The following CAST variants were observed in gnomAD, a reference collection of about 807,000 sequenced individuals.
CAST encodes the protein MIR583 host.
A neutral mutation model predicts 119.6 loss-of-function variants in CAST; 76 were observed. The observed-to-expected ratio is 0.64, with a 90% CI of 0.53 to 0.77. The LOEUF (loss-of-function observed/expected upper bound fraction) is 0.77, where lower values mean the gene tolerates loss of function less well. Ranked by LOEUF, CAST falls within the 30% of genes least tolerant of loss-of-function variation. CAST has a pLI of 0.00. For missense variants in CAST, 953 were observed against 946.5 expected (o/e 1.01, Z -0.09); for synonymous variants, 319 against 331.6 (o/e 0.96, Z 0.41).
intron 1 of CAST, among the ~76,000 whole-genome samples, chr5:96,563,429 A>C (rs1225956875): frequency 3.3e-5 from 5 of 152,206 alleles, no homozygotes; most frequent in Non-Finnish European, 7.3e-5. Context: ...AAGTGCATAA[A>C]GTTTGCGTAG....
At chr5:96,395,653 C>G in the CAST span, among the ~76,000 whole-genome samples, 1 of 151,626 alleles carries the variant, frequency 6.6e-6, no homozygotes, top group Non-Finnish European at 1.5e-5. Context: ...GAGTAGGGGG[C>G]AAGGGGAGGG....
intron 1 of CAST, among the ~76,000 whole-genome samples, chr5:96,629,370 G>A (rs1193546649): frequency 6.6e-6 from 1 of 151,706 alleles, no homozygotes; most frequent in African/African-American, 2.4e-5. Context: ...GTGTTCTTCT[G>A]TTATAGCCAC....
At chr5:96,301,343 G>T in the CAST span, among the ~76,000 whole-genome samples, 1 of 152,038 alleles carries the variant, frequency 6.6e-6, no homozygotes, top group Non-Finnish European at 1.5e-5. Flanking sequence ...ATGAGATTTG[G>T]CTGGGGACAC....
At chr5:96,237,667 T>A in the CAST span, among the ~76,000 whole-genome samples, 1 of 152,144 alleles carries the variant, frequency 6.6e-6, no homozygotes, top group Non-Finnish European at 1.5e-5. Context: ...TGGAAATTTG[T>A]ATTTTTTTCT....
the CAST span, among the ~76,000 whole-genome samples, chr5:96,337,428 A>G: frequency 2.0e-5 from 3 of 152,232 alleles, no homozygotes; most frequent in East Asian, 5.8e-4. Context: ...TACTATGTCA[A>G]TTGACATTGA....
the CAST span, among the ~76,000 whole-genome samples, chr5:96,227,914 T>C: frequency 6.6e-6 from 1 of 152,198 alleles, no homozygotes; most frequent in African/African-American, 2.4e-5. Flanking sequence ...TGGTGGATTT[T>C]GTCACTGTTA....
chr5:96,448,453 C>T, the CAST span, among the ~76,000 whole-genome samples: 143 of 152,296 alleles, frequency 9.4e-4, 1 homozygote, highest in Non-Finnish European at 1.6e-3. Flanking sequence ...ATGTATATCG[C>T]GCTTTTATCA....
chr5:96,618,184 G>T (rs1351254163), intron 1 of CAST, among the ~76,000 whole-genome samples: 1 of 152,244 alleles, frequency 6.6e-6, no homozygotes, highest in Non-Finnish European at 1.5e-5. Context: ...GAAGGTAAAT[G>T]TTGAGCATCT....
intron 1 of CAST, among the ~76,000 whole-genome samples, chr5:96,607,573 A>T (rs261210): frequency 0.5 from 73,701 of 148,692 alleles, 18,103 homozygotes; most frequent in Admixed American, 0.54. Context: ...ATATGATATA[A>T]CTACCTCTGC....
At chr5:96,685,173 GATT>G (rs1751938729) in intron 2 of CAST, among the ~76,000 whole-genome samples, 1 of 151,962 alleles carries the variant, frequency 6.6e-6, no homozygotes, top group South Asian at 2.1e-4. Context: ...TCTCTGAAGA[GATT>G]ATATTTTATT....
chr5:95,968,374 C>T, the CAST span, among the ~76,000 whole-genome samples: 1 of 152,202 alleles, frequency 6.6e-6, no homozygotes, highest in Non-Finnish European at 1.5e-5. Flanking sequence ...TATATTAGAA[C>T]CCTTGGTATA....
the CAST span, among the ~76,000 whole-genome samples, chr5:96,217,204 A>ATTTTTTTTTTTTTT: frequency 3.0e-3 from 291 of 96,962 alleles, 18 homozygotes; most frequent in African/African-American, 8.3e-3. Flanking sequence ...ATGCTAGCTA[A>ATTTTTTTTTTTTTT]TTTTTTTTTT....
At chr5:96,771,746 T>C in intron 31 of CAST, 44 bp downstream of exon 31, 1 of 1,187,694 alleles carries the variant, frequency 8.4e-7, no homozygotes, top group South Asian at 1.2e-5. Flanking sequence ...CTGTATCTTC[T>C]GCCAATTTAT....
intron 1 of CAST, among the ~76,000 whole-genome samples, chr5:96,647,752 G>C (rs958769859): frequency 1.3e-5 from 2 of 152,148 alleles, no homozygotes; most frequent in African/African-American, 4.8e-5. Context: ...AGGGAGCTAG[G>C]ACAGATCCTT....
chr5:96,070,266 C>T, the CAST span, among the ~76,000 whole-genome samples: 1 of 152,174 alleles, frequency 6.6e-6, no homozygotes, highest in Non-Finnish European at 1.5e-5. Flanking sequence ...GAACCTACCA[C>T]AAGGCTCATA....
At chr5:96,750,290 T>A (rs1372771304) in intron 19 of CAST, among the ~76,000 whole-genome samples, 1 of 152,194 alleles carries the variant, frequency 6.6e-6, no homozygotes, top group African/African-American at 2.4e-5. Flanking sequence ...TATATAGGCC[T>A]CTTACCAACC....
At chr5:96,244,646 GC>G in the CAST span, among the ~76,000 whole-genome samples, 7 of 152,140 alleles carry the variant, frequency 4.6e-5, no homozygotes, top group Non-Finnish European at 8.8e-5. Flanking sequence ...AATGGTTGAG[GC>G]TTGTTCATTA....
At chr5:96,336,419 C>T in the CAST span, among the ~76,000 whole-genome samples, 164 of 152,178 alleles carry the variant, frequency 1.1e-3, 2 homozygotes, top group Non-Finnish European at 2.8e-4. Flanking sequence ...AGTTAAGTCG[C>T]GTTCTTCTCC....
intron 1 of CAST, among the ~76,000 whole-genome samples, chr5:96,588,196 C>CTTTTTTTTTTTTTTTTTTTTTTTTT (rs140665192): frequency 1.5e-4 from 11 of 75,842 alleles, no homozygotes; most frequent in East Asian, 4.6e-4. Context: ...TTCTTTCTTT[C>CTTTTTTTTTTTTTTTTTTTTTTTTT]TTTTTTTTTT....
Sources: allele counts gnomAD v4.1 joint callset (sites outside exome capture counted in the v4.1 genomes callset), GRCh38; gene constraint gnomAD v4.1.1; transcripts MANE v1.5; gene names NCBI Gene and HGNC (gene_info 2026-07-23, HGNC 2026-07-21).